The following LCOR variants were observed in gnomAD, a reference collection of about 807,000 sequenced individuals.
LCOR encodes ligand dependent nuclear receptor corepressor.
Under a neutral mutation model 64.4 loss-of-function variants are expected in LCOR, and 14 were observed. That is an observed-to-expected ratio of 0.22 (90% CI 0.14 to 0.34). LCOR has a LOEUF of 0.34. Ranked by LOEUF, LCOR falls within the 10% of genes least tolerant of loss-of-function variation. The probability of loss-of-function intolerance (pLI) is 1.00; values close to 1 mark genes in which losing one functional copy is unlikely to be tolerated. For synonymous variants in LCOR, 643 were observed against 642.5 expected (o/e 1.00, Z -0.01); for missense variants, 1,686 against 1,765.3 (o/e 0.96, Z 0.80).
chr10:96,875,211 C>T (rs1338596119), intron 2 of LCOR, among the ~76,000 whole-genome samples: 1 of 151,732 alleles, frequency 6.6e-6, no homozygotes, highest in Non-Finnish European at 1.5e-5. Context: ...GGTGAAACCC[C>T]GTCTCTACTA....
chr10:96,894,511 G>A (rs1196691143), intron 2 of LCOR, among the ~76,000 whole-genome samples: 1 of 147,330 alleles, frequency 6.8e-6, no homozygotes, highest in Non-Finnish European at 1.5e-5. Context: ...GGAAGAATTT[G>A]AAAGCCAGAC....
At chr10:96,850,135 G>C (rs1471418436) in intron 2 of LCOR, among the ~76,000 whole-genome samples, 1 of 152,152 alleles carries the variant, frequency 6.6e-6, no homozygotes, top group South Asian at 2.1e-4. Context: ...ATGGGCAGAA[G>C]TTAGTAAAAA....
At position 96,930,799 on chromosome 10, in the gene LCOR, C is replaced by G. The variant is rs142863966; in HGVS notation, c.-183-13314C>G. Among the ~76,000 whole-genome samples the G allele has an allele frequency of 2.8e-3, 419 of 152,250 alleles. 3 individuals carry two copies. The highest frequency in any genetic ancestry group is 9.5e-3 in the African/African-American group (394 of 41,524). ...AAAAGGGGCTTGGTGTAGGGTTAGG[C>G]TAGCTTACTTGCCCTTCTCTGCCTT... On this transcript the variant is annotated intron_variant, in intron 4 of 7. Transcript: ENST00000421806.
intron 2 of LCOR, among the ~76,000 whole-genome samples, chr10:96,894,239 A>G (rs1025487532): frequency 1.3e-5 from 2 of 152,144 alleles, no homozygotes; most frequent in Non-Finnish European, 2.9e-5. Context: ...CTACAGGCAC[A>G]TGCCACCACG....
At chr10:96,844,411 A>T (rs1845593158) in intron 2 of LCOR, among the ~76,000 whole-genome samples, 1 of 151,780 alleles carries the variant, frequency 6.6e-6, no homozygotes, top group South Asian at 2.1e-4. Flanking sequence ...TAGAATTTCC[A>T]TTAAGTTGCC....
At chr10:96,945,323 C>T (rs188226253) in intron 5 of LCOR, among the ~76,000 whole-genome samples, 17 of 152,210 alleles carry the variant, frequency 1.1e-4, no homozygotes, top group Admixed American at 2.6e-4. Context: ...TTAATGTGAT[C>T]AGTATTTCCA....
At chr10:96,832,505 C>T (rs1172262376) in intron 1 of LCOR, 106 bp downstream of exon 1, 8 of 275,190 alleles carry the variant, frequency 2.9e-5, no homozygotes, top group Non-Finnish European at 3.9e-5. Flanking sequence ...CCGGCCCGCC[C>T]GCCCTCTTTG....
intron 2 of LCOR, among the ~76,000 whole-genome samples, chr10:96,884,893 T>C (rs1846317062): frequency 6.6e-6 from 1 of 152,238 alleles, no homozygotes; most frequent in South Asian, 2.1e-4. Context: ...CTCCAGATTC[T>C]TCATTTCTGG....
At position 96,992,740 on chromosome 10, in the gene LCOR, A is replaced by G. The variant is rs913186528; in HGVS notation, c.*7606A>G. 2.6e-5 allele frequency: 4 copies of G among 152,364 alleles called. 1 individual carries two copies. Among genetic ancestry groups the G allele is most frequent in the Non-Finnish European group, 5.9e-5 (4 of 68,036 alleles). 9.4% of individuals were successfully genotyped at this position (152,364 alleles called of 1,614,324 possible). A position where few individuals can be genotyped will look rare whatever the true frequency, so the allele number is the denominator to read the frequency against. On this transcript the variant is annotated 3_prime_UTR_variant, in exon 8 of 8. Coordinates refer to ENST00000421806, the MANE Select transcript of LCOR (RefSeq NM_001346516.2). Reference sequence around the variant, plus strand: ...GAGCCTTAGTTGTAGCCCCAAGGAAATCCAAACCCATGCTTGTGAGATATG... The same window carrying G: ...GAGCCTTAGTTGTAGCCCCAAGGAAGTCCAAACCCATGCTTGTGAGATATG...
At chr10:96,845,542 C>A (rs1845614559) in intron 2 of LCOR, among the ~76,000 whole-genome samples, 1 of 132,518 alleles carries the variant, frequency 7.5e-6, no homozygotes, top group Non-Finnish European at 1.5e-5. Flanking sequence ...TCTTGGCTCA[C>A]TGCAGGCTCT....
At position 96,926,776 on chromosome 10, in the gene LCOR, G is replaced by A. The variant is rs565204858; in HGVS notation, c.-183-17337G>A. On this transcript the variant is annotated intron_variant, in intron 4 of 7. Transcript: ENST00000421806. ...ACCTTTTCTAGAATTTTATATAATA[G>A]GAATCATAAAATACATAGTTTTTTT... Among the ~76,000 whole-genome samples, 10 of 152,140 alleles carry A rather than the reference G, an allele frequency of 6.6e-5. No homozygotes were observed. In the South Asian group the frequency reaches 2.1e-3, roughly 32 times the overall value.
chr10:96,847,689 A>G (rs531047883), intron 2 of LCOR, among the ~76,000 whole-genome samples: 2 of 152,226 alleles, frequency 1.3e-5, no homozygotes, highest in African/African-American at 4.8e-5. Context: ...TGATCTGCCT[A>G]CCTTGGCCTC....
At chr10:96,886,812 A>G (rs1175354666) in intron 2 of LCOR, among the ~76,000 whole-genome samples, 5 of 152,228 alleles carry the variant, frequency 3.3e-5, no homozygotes, top group Admixed American at 3.3e-4. Context: ...ATCTCCAGTC[A>G]AAAGTACCCA....
chr10:96,958,268 T>C, intron 7 of LCOR: 1 of 1,336,592 alleles, frequency 7.5e-7, no homozygotes, highest in East Asian at 2.7e-5. Flanking sequence ...GTTCAACTTT[T>C]GTAGAGTTTA....
rs61735269 is a variant in LCOR at position 96,984,819 on chromosome 10, A to G, written c.4359A>G (p.Lys1453=). The G allele has an allele frequency of 4.3e-5, 70 of 1,614,052 alleles. No homozygotes were observed. The highest frequency in any genetic ancestry group is 1.1e-4 in the African/African-American group (8 of 74,936). ...SSQPPKKTSL[K]ENKVKIPKKS... is the part of the protein sequence containing the mutation. ...AACCCCCCAAAAAGACGTCTTTGAA[A>G]GAGAATAAAGTGAAGATCCCTAAAA... The change falls in exon 8 of 8, where the codon AAA becomes AAG. Residue 1453 remains lysine, a synonymous_variant. Transcript: ENST00000421806.
rs937731973 is a variant in LCOR at position 96,981,534 on chromosome 10, G to A, written c.1074G>A (p.Gly358=). 2.7e-5 allele frequency: 43 copies of A among 1,614,060 alleles called. No homozygotes were observed. Among genetic ancestry groups the A allele is most frequent in the Non-Finnish European group, 3.6e-5 (43 of 1,180,024 alleles). The change falls in exon 8 of 8, where the codon GGG becomes GGA. Residue 358 remains glycine, a synonymous_variant. Coordinates refer to ENST00000421806, the MANE Select transcript of LCOR (RefSeq NM_001346516.2). ...AGGCTTGGAACTCAGGGTTTATGGGGAACTCATCTAGAACTGCTGACAAAG... is the reference window on the plus strand; with the variant it reads ...AGGCTTGGAACTCAGGGTTTATGGGAAACTCATCTAGAACTGCTGACAAAG... ...SEEAWNSGFM[G]NSSRTADKEN...
rs143102978 is a variant in LCOR at position 96,869,927 on chromosome 10, A to C, written c.-330+36448A>C. Among the ~76,000 whole-genome samples the C allele has an allele frequency of 3.3e-3, 501 of 152,282 alleles. 3 individuals are homozygous for C. The highest frequency in any genetic ancestry group is 0.012 in the African/African-American group (483 of 41,574). On this transcript the variant is annotated intron_variant, in intron 2 of 7. Coordinates refer to ENST00000421806, the MANE Select transcript of LCOR (RefSeq NM_001346516.2). The stretch of plus-strand genomic sequence containing the variant: ...TTAGGTACACTGAACTGTAAGCTTC[A>C]TGAGGATGTATAGACTTACCTGTGG...
chr10:96,934,849 G>A (rs985570400), intron 4 of LCOR, among the ~76,000 whole-genome samples: 37 of 152,118 alleles, frequency 2.4e-4, no homozygotes, highest in African/African-American at 7.7e-4. Flanking sequence ...TGAGCTGCTC[G>A]CCTCGGCCTC....
At chr10:96,898,988 C>G (rs189903998) in intron 2 of LCOR, among the ~76,000 whole-genome samples, 1 of 152,106 alleles carries the variant, frequency 6.6e-6, no homozygotes, top group East Asian at 1.9e-4. Context: ...ACTCAATGAC[C>G]GGAATACTTG....
Sources: allele counts gnomAD v4.1 joint callset (sites outside exome capture counted in the v4.1 genomes callset), GRCh38; gene constraint gnomAD v4.1.1; transcripts MANE v1.5; gene names NCBI Gene and HGNC (gene_info 2026-07-23, HGNC 2026-07-21).